Variants in TMTC1 observed in about 807,000 individuals in gnomAD.
TMTC1 encodes transmembrane O-mannosyltransferase targeting cadherins 1.
In TMTC1, 73 loss-of-function variants were observed where a neutral mutation model predicts 104.8. That is an observed-to-expected ratio of 0.70 (90% CI 0.58 to 0.85). The LOEUF (loss-of-function observed/expected upper bound fraction) is 0.85. TMTC1 is among the 40% of genes least tolerant of loss of function. The pLI, the probability that TMTC1 is intolerant of heterozygous loss-of-function variation, is 0.00. For missense variants in TMTC1, 1,035 were observed against 1,096.1 expected (o/e 0.94, Z 0.79); for synonymous variants, 434 against 428.7 (o/e 1.01, Z -0.15).
chr12:29,599,838 G>A (rs751327496), intron 7 of TMTC1, among the ~76,000 whole-genome samples: 3 of 151,698 alleles, frequency 2.0e-5, no homozygotes, highest in East Asian at 1.9e-4. Context: ...GAGCTTTTGC[G>A]TAAAAGTGAT....
At chr12:29,781,205 T>C (rs1390513026) in intron 1 of TMTC1, among the ~76,000 whole-genome samples, 1 of 152,248 alleles carries the variant, frequency 6.6e-6, no homozygotes, top group Non-Finnish European at 1.5e-5. Flanking sequence ...TAACATTCTC[T>C]TTCTGAAGAG....
chr12:29,520,193 GA>G (rs1223409044), intron 12 of TMTC1, among the ~76,000 whole-genome samples: 1 of 152,160 alleles, frequency 6.6e-6, no homozygotes, highest in Non-Finnish European at 1.5e-5. Flanking sequence ...GTACATCAAG[GA>G]AGGAATGATG....
intron 17 of TMTC1, among the ~76,000 whole-genome samples, chr12:29,510,609 C>A (rs1338272046): frequency 6.6e-6 from 1 of 152,106 alleles, no homozygotes; most frequent in South Asian, 2.1e-4. Context: ...ATCCCATTAA[C>A]CCCTCCCATT....
chr12:29,567,865 T>A (rs1246611693), intron 9 of TMTC1, among the ~76,000 whole-genome samples: 1 of 152,224 alleles, frequency 6.6e-6, no homozygotes, highest in African/African-American at 2.4e-5. Flanking sequence ...AACAGCATTA[T>A]TAAAAGGAAT....
intron 7 of TMTC1, among the ~76,000 whole-genome samples, chr12:29,584,432 TC>T (rs1214622540): frequency 9.9e-5 from 15 of 152,192 alleles, no homozygotes; most frequent in African/African-American, 3.6e-4. Context: ...CTTCTTTTAT[TC>T]TTTTTTTTAA....
chr12:29,707,437 C>T (rs1341293844), intron 5 of TMTC1, among the ~76,000 whole-genome samples: 1 of 152,170 alleles, frequency 6.6e-6, no homozygotes, highest in African/African-American at 2.4e-5. Context: ...AAGCATCTCC[C>T]CCGCCTCTGC....
At chr12:29,763,264 G>A (rs1943393551) in intron 2 of TMTC1, among the ~76,000 whole-genome samples, 1 of 152,218 alleles carries the variant, frequency 6.6e-6, no homozygotes, top group Non-Finnish European at 1.5e-5. Context: ...AAATATTCGT[G>A]TAACACTGAT....
At chr12:29,602,147 A>G (rs945946050) in intron 7 of TMTC1, among the ~76,000 whole-genome samples, 22 of 146,386 alleles carry the variant, frequency 1.5e-4, no homozygotes, top group Non-Finnish European at 2.7e-4. Flanking sequence ...CATGTTTTTA[A>G]ATTTATTTTT....
At chr12:29,611,422 T>C (rs1946844163) in intron 6 of TMTC1, among the ~76,000 whole-genome samples, 2 of 152,196 alleles carry the variant, frequency 1.3e-5, no homozygotes, top group African/African-American at 2.4e-5. Flanking sequence ...TATTAAAATG[T>C]TTAAAAAATA....
At chr12:29,521,560 TTCTTTC>T (rs1280080225) in intron 11 of TMTC1, among the ~76,000 whole-genome samples, 10 of 108,314 alleles carry the variant, frequency 9.2e-5, no homozygotes, top group Admixed American at 3.0e-4. Flanking sequence ...TTCTTTTTCT[TTCTTTC>T]TTTTTTTTTT....
chr12:29,665,967 C>T (rs1940260240), intron 5 of TMTC1, among the ~76,000 whole-genome samples: 3 of 151,984 alleles, frequency 2.0e-5, no homozygotes, highest in Admixed American at 2.0e-4. Flanking sequence ...ACACCCTGCT[C>T]ACTGGCTATA....
At chr12:29,559,384 TG>T (rs1945323218) in intron 9 of TMTC1, among the ~76,000 whole-genome samples, 1 of 152,210 alleles carries the variant, frequency 6.6e-6, no homozygotes, top group South Asian at 2.1e-4. Flanking sequence ...CCCACTGCCA[TG>T]TAAATGAACA....
intron 7 of TMTC1, among the ~76,000 whole-genome samples, chr12:29,591,067 C>A (rs1160319791): frequency 6.6e-6 from 1 of 152,162 alleles, no homozygotes; most frequent in Non-Finnish European, 1.5e-5. Flanking sequence ...AATCAAATAT[C>A]CTTATTATTG....
At chr12:29,776,148 T>C (rs1379173828) in intron 1 of TMTC1, among the ~76,000 whole-genome samples, 1 of 152,148 alleles carries the variant, frequency 6.6e-6, no homozygotes, top group Non-Finnish European at 1.5e-5. Context: ...GAACCCCCTA[T>C]AATTCTGGGT....
At position 29,783,893 on chromosome 12, in the gene TMTC1, C is replaced by A; in HGVS notation, c.-142G>T. ...GCAGCTGGACCCGCCGCGAGCTCCC[C>A]GCGCTCCGCCGCCGCCTGCGCCGCG... On this transcript the variant is annotated 5_prime_UTR_variant, in exon 1 of 18. Transcript: ENST00000539277. The surrounding 1 kb of genome is among the most constrained non-coding windows in gnomAD (Gnocchi z 4.7). The A allele has an allele frequency of 2.6e-6, 2 of 781,284 alleles. No homozygotes were observed. Among genetic ancestry groups the A allele is most frequent in the Non-Finnish European group, 3.2e-6 (2 of 631,182 alleles). 48.4% of individuals were successfully genotyped at this position (781,284 alleles called of 1,614,324 possible). A position where few individuals can be genotyped will look rare whatever the true frequency, so the allele number is the denominator to read the frequency against.
chr12:29,525,884 C>A (rs1565645892), intron 11 of TMTC1, among the ~76,000 whole-genome samples: 4 of 152,162 alleles, frequency 2.6e-5, no homozygotes, highest in Admixed American at 6.5e-5. Flanking sequence ...TCCAGTGAAT[C>A]AAGTGCCTTT....
intron 7 of TMTC1, among the ~76,000 whole-genome samples, chr12:29,603,120 T>C (rs79055818): frequency 0.013 from 2,027 of 152,226 alleles, 66 homozygotes; most frequent in African/African-American, 0.046. Flanking sequence ...TATCAAGCAC[T>C]CATCTCCTTC....
At chr12:29,543,974 T>C (rs1944872829) in intron 10 of TMTC1, among the ~76,000 whole-genome samples, 1 of 152,286 alleles carries the variant, frequency 6.6e-6, no homozygotes, top group African/African-American at 2.4e-5. Context: ...CCAGGTGCAG[T>C]GGCTCATGCC....
chr12:29,680,149 G>A (rs1426377671), intron 5 of TMTC1, among the ~76,000 whole-genome samples: 1 of 152,118 alleles, frequency 6.6e-6, no homozygotes, highest in Non-Finnish European at 1.5e-5. Flanking sequence ...AGACAGAAAT[G>A]TACCATCAAT....
Sources: gnomAD v4.1 joint callset for allele counts (sites outside exome capture counted in the v4.1 genomes callset) on GRCh38, gnomAD v4.1.1 for gene constraint, Gnocchi (gnomAD v3.1) non-coding constraint, MANE v1.5 for transcripts, NCBI Gene and HGNC (gene_info 2026-07-23, HGNC 2026-07-21) for gene names.